KCNK9: variants seen among roughly 807,000 people sequenced by gnomAD.
KCNK9 encodes potassium two pore domain channel subfamily K member 9, also known as potassium channel subfamily K member 9.
A neutral mutation model predicts 10.8 loss-of-function variants in KCNK9; 1 was observed. The observed-to-expected ratio is 0.09, with a 90% CI of 0.03 to 0.44. KCNK9 has a LOEUF of 0.44. Ranked by LOEUF, KCNK9 falls within the 20% of genes least tolerant of loss-of-function variation. The pLI, the probability that KCNK9 is intolerant of heterozygous loss-of-function variation, is 0.97. For missense variants in KCNK9, 303 were observed against 515.0 expected (o/e 0.59, Z 3.98); for synonymous variants, 231 against 222.7 (o/e 1.04, Z -0.33).
chr8:139,629,952 T>TCA (rs1815108517), intron 1 of KCNK9, among the ~76,000 whole-genome samples: 1 of 151,504 alleles, frequency 6.6e-6, no homozygotes, highest in Admixed American at 6.6e-5. Context: ...TAACCCTGAG[T>TCA]GACAGAAGCC....
chr8:139,698,485 AAG>A (rs2129815626), intron 1 of KCNK9, among the ~76,000 whole-genome samples: 1 of 152,348 alleles, frequency 6.6e-6, no homozygotes, highest in Non-Finnish European at 1.5e-5. Context: ...AAGCCCCTGT[AAG>A]ACAGGTTAAA....
chr8:139,640,764 G>A (rs922295177), intron 1 of KCNK9, among the ~76,000 whole-genome samples: 9 of 152,258 alleles, frequency 5.9e-5, no homozygotes, highest in African/African-American at 1.2e-4. Flanking sequence ...CATTTCTACC[G>A]CCCTCTGGCT....
At chr8:139,677,856 C>CCCCACAGCCTGACCCAGCCCAT (rs1563747889) in intron 1 of KCNK9, among the ~76,000 whole-genome samples, 1 of 47,302 alleles carries the variant, frequency 2.1e-5, no homozygotes, top group African/African-American at 5.0e-5. Flanking sequence ...CACATCCCAG[C>CCCCACAGCCTGACCCAGCCCAT]CCAAGGGGTC....
intron 1 of KCNK9, among the ~76,000 whole-genome samples, chr8:139,691,215 T>C (rs1421081119): frequency 1.3e-5 from 2 of 152,120 alleles, no homozygotes; most frequent in Non-Finnish European, 2.9e-5. Flanking sequence ...CCCCTCCTCA[T>C]TTCATGCGTC....
At chr8:139,631,746 G>A (rs1289955834) in intron 1 of KCNK9, among the ~76,000 whole-genome samples, 2 of 152,074 alleles carry the variant, frequency 1.3e-5, no homozygotes, top group African/African-American at 2.4e-5. Flanking sequence ...AAATGTGGCT[G>A]ACTTTTGAAA....
At chr8:139,605,398 A>G (rs1005262600) in intron 2 of KCNK9, among the ~76,000 whole-genome samples, 1 of 152,208 alleles carries the variant, frequency 6.6e-6, no homozygotes, top group Non-Finnish European at 1.5e-5. Flanking sequence ...ATAAAGTCCA[A>G]AAAGGATAGT....
chr8:139,637,970 G>A (rs1051207136), intron 1 of KCNK9, among the ~76,000 whole-genome samples: 1 of 152,094 alleles, frequency 6.6e-6, no homozygotes, highest in Non-Finnish European at 1.5e-5. Context: ...AGCTGTGCTA[G>A]TACCAACACA....
Position 139,702,901 on chromosome 8 carries a change from G to C in KCNK9, c.92C>G (p.Ser31Trp). The change falls in exon 1 of 2, where the codon TCG becomes TGG. Residue 31 changes from serine (S) to tryptophan (W), a missense_variant. Around this residue, in one of 5 missense-constraint regions of KCNK9, gnomAD observed 58 missense variants for 102.4 expected, o/e 0.57. Coordinates refer to ENST00000520439, the MANE Select transcript of KCNK9 (RefSeq NM_001282534.2). This position sits in a 1 kb window ranked among gnomAD's most constrained non-coding sequence, Gnocchi z 7.5. ...CTCCTCCTCGCGCATCTCGTGGTCC[G>C]ACTCGAGGGCGTCGAACACGGCGGC... is the stretch of plus-strand genomic sequence containing the variant. ...VGAAVFDALE[S>W]DHEMREEEKL... 6.2e-7 allele frequency: 1 copy of C among 1,613,812 alleles called. No homozygotes were observed. Among genetic ancestry groups the C allele is most frequent in the Non-Finnish European group, 8.5e-7 (1 of 1,179,946 alleles).
intron 1 of KCNK9, among the ~76,000 whole-genome samples, chr8:139,690,254 G>C (rs942217855): frequency 6.6e-6 from 1 of 152,200 alleles, no homozygotes; most frequent in East Asian, 1.9e-4. Flanking sequence ...TAGTCTCTCT[G>C]ATCTTCTAGA....
chr8:139,654,054 C>A (rs535502083), intron 1 of KCNK9, among the ~76,000 whole-genome samples: 52 of 152,380 alleles, frequency 3.4e-4, no homozygotes, highest in African/African-American at 1.1e-3. Context: ...ACCCCATCCC[C>A]TGCCTAGGGC....
At chr8:139,625,430 C>T (rs930168232) in intron 1 of KCNK9, among the ~76,000 whole-genome samples, 26 of 152,218 alleles carry the variant, frequency 1.7e-4, no homozygotes, top group African/African-American at 5.3e-4. Context: ...GAGCAGAGCC[C>T]ACTCCTGACT....
intron 1 of KCNK9, among the ~76,000 whole-genome samples, chr8:139,630,989 C>T (rs1047336037): frequency 1.3e-5 from 2 of 152,226 alleles, no homozygotes. Flanking sequence ...GCCTCAGGGG[C>T]TCCGCTCCCT....
chr8:139,653,949 C>T (rs1412877251), intron 1 of KCNK9, among the ~76,000 whole-genome samples: 1 of 152,152 alleles, frequency 6.6e-6, no homozygotes, highest in Non-Finnish European at 1.5e-5. Context: ...AGCTAAGGCC[C>T]GTGTTCATTT....
In KCNK9 at chr8:139,618,470, G is replaced by T. The variant is rs1292083320; in HGVS notation, c.913C>A (p.Gln305Lys). 6.2e-7 allele frequency: 1 copy of T among 1,613,890 alleles called. No individual in the cohort carries two copies. The highest frequency in any genetic ancestry group is 1.3e-5 in the African/African-American group (1 of 74,944). ...GCCACCGAGCGGCCGCCATAGTCCT[G>T]CGAGCGGTAGCAGGTGCAGGAGCAC... Reference protein sequence around the residue: ...SVCSCTCYRSQDYGGRSVAPQ... With the variant: ...SVCSCTCYRSKDYGGRSVAPQ... Residue 305 changes from glutamine to lysine, a missense_variant, in exon 2 of 2, where the codon CAG becomes AAG. Gln to Lys is a moderately conservative substitution (Grantham distance 53). This residue lies in a region of KCNK9 where 138 missense variants were observed against 161.1 expected (regional missense o/e 0.86). Transcript: ENST00000520439. The surrounding 1 kb of genome is among the most constrained non-coding windows in gnomAD (Gnocchi z 7.9).
intron 1 of KCNK9, among the ~76,000 whole-genome samples, chr8:139,632,163 T>C (rs79492242): frequency 3.2e-4 from 48 of 152,276 alleles, no homozygotes; most frequent in African/African-American, 1.1e-3. Flanking sequence ...CCATTCTGCA[T>C]GGGAGGTAGG....
chr8:139,646,206 C>T (rs1815671790), intron 1 of KCNK9, among the ~76,000 whole-genome samples: 1 of 152,236 alleles, frequency 6.6e-6, no homozygotes, highest in African/African-American at 2.4e-5. Context: ...TCACACCCCT[C>T]AGGAAACACT....
chr8:139,618,101 G>A lies in KCNK9; in HGVS notation c.*157C>T. 9.5e-7 allele frequency: 1 copy of A among 1,049,964 alleles called. No homozygotes were observed. Among genetic ancestry groups the A allele is most frequent in the Non-Finnish European group, 1.4e-6 (1 of 727,324 alleles). The allele number at this position is 1,049,964 out of a possible 1,614,324, so 65.0% of individuals were successfully genotyped here. A position where few individuals can be genotyped will look rare whatever the true frequency, so the allele number is the denominator to read the frequency against. ...CTGCTCTGTCTGGCTGGAAAGGTGGGGGAAAATGAGACCAAGAGACCAAGA... is the reference window on the plus strand; with the variant it reads ...CTGCTCTGTCTGGCTGGAAAGGTGGAGGAAAATGAGACCAAGAGACCAAGA... On this transcript the variant is annotated 3_prime_UTR_variant, in exon 2 of 2. Coordinates refer to ENST00000520439, the MANE Select transcript of KCNK9 (RefSeq NM_001282534.2). The surrounding 1 kb of genome is among the most constrained non-coding windows in gnomAD (Gnocchi z 7.9).
At chr8:139,684,215 C>T (rs1371216347) in intron 1 of KCNK9, among the ~76,000 whole-genome samples, 1 of 152,212 alleles carries the variant, frequency 6.6e-6, no homozygotes, top group African/African-American at 2.4e-5. Context: ...GTGTTCCTCA[C>T]ACTAACACAA....
chr8:139,625,470 G>A (rs942792860), intron 1 of KCNK9, among the ~76,000 whole-genome samples: 2 of 152,226 alleles, frequency 1.3e-5, no homozygotes, highest in African/African-American at 4.8e-5. Context: ...GCCCAGCATG[G>A]AGGAGAAGGC....
Sources: allele counts gnomAD v4.1 joint callset (sites outside exome capture counted in the v4.1 genomes callset), GRCh38; gene constraint gnomAD v4.1.1; regional missense constraint gnomAD v4.1.1; non-coding constraint Gnocchi (gnomAD v3.1); transcripts MANE v1.5; gene names NCBI Gene and HGNC (gene_info 2026-07-23, HGNC 2026-07-21).